The following GLDC variants were observed in gnomAD, a reference collection of about 807,000 sequenced individuals.
The protein encoded by GLDC is glycine decarboxylase, also known as glycine dehydrogenase (decarboxylating), mitochondrial.
Under a neutral mutation model 121.3 loss-of-function variants are expected in GLDC, and 104 were observed. That is an observed-to-expected ratio of 0.86 (90% CI 0.73 to 1.01). The LOEUF (loss-of-function observed/expected upper bound fraction) is 1.01. Among genes scored for constraint, GLDC ranks in the 50% least tolerant of loss-of-function variants. The pLI, the probability that GLDC is intolerant of heterozygous loss-of-function variation, is 0.00. For missense variants in GLDC, 1,429 were observed against 1,306.6 expected (o/e 1.09, Z -1.44); for synonymous variants, 546 against 480.6 (o/e 1.14, Z -1.78).
chr9:6,573,347 G>C (rs1818001296), intron 15 of GLDC, among the ~76,000 whole-genome samples: 1 of 152,096 alleles, frequency 6.6e-6, no homozygotes, highest in South Asian at 2.1e-4. Flanking sequence ...TGTAATCCCA[G>C]CTACTTGGGA....
Position 6,558,576 on chromosome 9 carries a change from C to A in GLDC, c.2035G>T (p.Val679Phe). 1 of 1,614,172 alleles carries A rather than the reference C, an allele frequency of 6.2e-7. No individual in the cohort carries two copies. The highest frequency in any genetic ancestry group is 8.5e-7 in the Non-Finnish European group (1 of 1,180,018). Residue 679 changes from valine (V) to phenylalanine (F), a missense_variant, in exon 17 of 25, where the codon GTT becomes TTT. Coordinates refer to ENST00000321612, the MANE Select transcript of GLDC (RefSeq NM_000170.3). ...EVDKYGNIDA[V>F]HLKAMVDKHK... ...ACAAGTACCATGGCCTTGAGGTGAA[C>A]TGCATCGATATTCCCATATTTATCC...
At chr9:6,626,869 G>C (rs921544442) in intron 2 of GLDC, among the ~76,000 whole-genome samples, 1 of 152,198 alleles carries the variant, frequency 6.6e-6, no homozygotes, top group Non-Finnish European at 1.5e-5. Context: ...AGGAAGAGAA[G>C]ATGCCACATT....
chr9:6,593,619 T>C (rs139231403), intron 9 of GLDC, among the ~76,000 whole-genome samples: 25 of 151,790 alleles, frequency 1.6e-4, no homozygotes, highest in East Asian at 3.9e-4. Flanking sequence ...TGCTTTCCTA[T>C]AGATCACTAT....
In GLDC at chr9:6,534,246, A is replaced by G. The variant is rs143226305; in HGVS notation, c.2919+462T>C. 3.3e-3 allele frequency: 532 copies of G among 160,990 alleles called. 4 individuals carry two copies. Among genetic ancestry groups the G allele is most frequent in the Non-Finnish European group, 4.4e-3 (318 of 73,030 alleles). 10.0% of individuals were successfully genotyped at this position (160,990 alleles called of 1,614,324 possible). ...ATTTTGTTTCCTCTCCTCTCCAATG[A>G]ATACAGGATTTACCATTCTCATTAT... On this transcript the variant is annotated intron_variant, in intron 24 of 24. Coordinates refer to ENST00000321612, the MANE Select transcript of GLDC (RefSeq NM_000170.3).
intron 15 of GLDC, chr9:6,565,799 C>T (rs775466140): frequency 4.2e-5 from 20 of 481,364 alleles, no homozygotes; most frequent in Non-Finnish European, 6.6e-5. Context: ...CCAGCTGTAA[C>T]AATTTGGTTT....
intron 3 of GLDC, among the ~76,000 whole-genome samples, chr9:6,610,869 G>C (rs1437086753): frequency 2.6e-5 from 4 of 152,168 alleles, no homozygotes; most frequent in Non-Finnish European, 5.9e-5. Context: ...CAACATGCTG[G>C]CATTATAGGC....
At chr9:6,626,449 GTTTAT>G (rs1819239845) in intron 2 of GLDC, among the ~76,000 whole-genome samples, 1 of 152,210 alleles carries the variant, frequency 6.6e-6, no homozygotes, top group South Asian at 2.1e-4. Context: ...AAAAATGGTA[GTTTAT>G]TTTTTCACTT....
chr9:6,645,006 G>A (rs775900387), intron 1 of GLDC, among the ~76,000 whole-genome samples: 1 of 148,322 alleles, frequency 6.7e-6, no homozygotes, highest in Non-Finnish European at 1.5e-5. Context: ...GGCTGGGGGT[G>A]GTTTAAAAAT....
At chr9:6,583,735 A>C (rs1430524293) in intron 15 of GLDC, among the ~76,000 whole-genome samples, 2 of 152,246 alleles carry the variant, frequency 1.3e-5, no homozygotes, top group Non-Finnish European at 2.9e-5. Context: ...AACCTTGAAG[A>C]CATTATGCTA....
At chr9:6,580,276 G>T (rs1818148294) in intron 15 of GLDC, among the ~76,000 whole-genome samples, 3 of 152,186 alleles carry the variant, frequency 2.0e-5, no homozygotes, top group Admixed American at 2.0e-4. Context: ...CACTGGGCCT[G>T]TTCTGTTGAT....
intron 15 of GLDC, among the ~76,000 whole-genome samples, chr9:6,583,914 A>G (rs1387077022): frequency 7.9e-5 from 12 of 152,216 alleles, no homozygotes; most frequent in Admixed American, 6.5e-5. Flanking sequence ...CTGAGCTTGA[A>G]TTTGAGAAAA....
At chr9:6,586,655 G>A (rs887426702) in intron 15 of GLDC, among the ~76,000 whole-genome samples, 1 of 152,168 alleles carries the variant, frequency 6.6e-6, no homozygotes, top group Non-Finnish European at 1.5e-5. Flanking sequence ...TCCAAAGACA[G>A]TCCGCAATGA....
chr9:6,631,800 C>T (rs528949621), intron 2 of GLDC, among the ~76,000 whole-genome samples: 2 of 152,316 alleles, frequency 1.3e-5, no homozygotes, highest in East Asian at 3.9e-4. Context: ...GGCACAGTGG[C>T]TCATGCCTGT....
rs1294477995 is a variant in GLDC, at chr9:6,589,192, A to C, written c.1580+3T>G. On this transcript the variant is annotated splice_donor_region_variant and intron_variant, in intron 12 of 24. Transcript: ENST00000321612. ...ACGCAGAAGTCACACAAGACACACA[A>C]ACCTGTTGAACACTTGATGGGTGAG... The C allele has an allele frequency of 1.9e-6, 3 of 1,570,886 alleles. No homozygotes were observed. Among genetic ancestry groups the C allele is most frequent in the African/African-American group, 2.7e-5 (2 of 74,090 alleles).
At chr9:6,629,487 A>C (rs1563869921) in intron 2 of GLDC, among the ~76,000 whole-genome samples, 1 of 151,894 alleles carries the variant, frequency 6.6e-6, no homozygotes, top group Admixed American at 6.6e-5. Flanking sequence ...TAGCTGTTAA[A>C]TTTTCAATAC....
chr9:6,623,994 A>G (rs538521998), intron 2 of GLDC, among the ~76,000 whole-genome samples: 1 of 152,336 alleles, frequency 6.6e-6, no homozygotes, highest in African/African-American at 2.4e-5. Context: ...CAGCTCTCCA[A>G]TGACAACAGT....
intron 16 of GLDC, among the ~76,000 whole-genome samples, chr9:6,559,761 G>A (rs1007916883): frequency 1.3e-5 from 2 of 151,848 alleles, no homozygotes; most frequent in Admixed American, 6.6e-5. Flanking sequence ...GTTGCAGCGA[G>A]CCGAGATCGC....
intron 3 of GLDC, among the ~76,000 whole-genome samples, chr9:6,615,123 C>CTAT (rs1382924363): frequency 6.6e-6 from 1 of 152,118 alleles, no homozygotes; most frequent in East Asian, 1.9e-4. Context: ...ATAACATCAC[C>CTAT]TATATGAGAG....
chr9:6,569,452 G>A (rs1817911738), intron 15 of GLDC: 1 of 152,184 alleles, frequency 6.6e-6, no homozygotes, highest in African/African-American at 2.4e-5. Flanking sequence ...AGGAGTTCGA[G>A]ACCAGCCTGG....
Sources: allele counts gnomAD v4.1 joint callset (sites outside exome capture counted in the v4.1 genomes callset), GRCh38; gene constraint gnomAD v4.1.1; transcripts MANE v1.5; gene names NCBI Gene and HGNC (gene_info 2026-07-23, HGNC 2026-07-21).